The following SUGCT variants were observed in gnomAD, a reference collection of about 807,000 sequenced individuals.
The protein encoded by SUGCT is succinyl-CoA:glutarate-CoA transferase.
In SUGCT, 41 loss-of-function variants were observed where a neutral mutation model predicts 55.0. That is an observed-to-expected ratio of 0.74 (90% CI 0.58 to 0.97). The LOEUF (loss-of-function observed/expected upper bound fraction) is 0.97, where lower values mean the gene tolerates loss of function less well. Among genes scored for constraint, SUGCT ranks in the 50% least tolerant of loss-of-function variants. The probability of loss-of-function intolerance (pLI) is 0.00; values close to 1 mark genes in which losing one functional copy is unlikely to be tolerated. For synonymous variants in SUGCT, 187 were observed against 200.4 expected, an observed-to-expected ratio of 0.93 and a Z score of 0.56; for missense variants, 568 against 547.8, an observed-to-expected ratio of 1.04 and a Z score of -0.37.
At chr7:40,372,220 G>A (rs1160221615) in intron 9 of SUGCT, among the ~76,000 whole-genome samples, 1 of 152,018 alleles carries the variant, frequency 6.6e-6, no homozygotes, top group African/African-American at 2.4e-5. Flanking sequence ...GATGACCTCT[G>A]TGACTTCATC....
intron 12 of SUGCT, among the ~76,000 whole-genome samples, chr7:40,576,727 A>C (rs996012642): frequency 6.6e-6 from 1 of 152,076 alleles, no homozygotes; most frequent in Non-Finnish European, 1.5e-5. Flanking sequence ...TATCATCTGA[A>C]CTCTTTCATC....
intron 1 of SUGCT, among the ~76,000 whole-genome samples, chr7:40,178,940 T>A (rs1282532162): frequency 1.3e-5 from 2 of 152,182 alleles, no homozygotes; most frequent in African/African-American, 4.8e-5. Context: ...TTTATTTTAT[T>A]TTTTTGTTCT....
At chr7:40,544,965 A>G (rs1794912167) in intron 12 of SUGCT, among the ~76,000 whole-genome samples, 1 of 152,212 alleles carries the variant, frequency 6.6e-6, no homozygotes, top group Non-Finnish European at 1.5e-5. Context: ...AGCTCTCCTC[A>G]TGCACTTATA....
At chr7:40,355,531 T>C (rs1797846116) in intron 9 of SUGCT, among the ~76,000 whole-genome samples, 1 of 152,188 alleles carries the variant, frequency 6.6e-6, no homozygotes, top group East Asian at 1.9e-4. Flanking sequence ...AGCCATATAG[T>C]CAAGAATTTA....
the SUGCT span, among the ~76,000 whole-genome samples, chr7:41,003,108 C>T: frequency 3.9e-5 from 6 of 152,136 alleles, no homozygotes; most frequent in Admixed American, 3.9e-4. Context: ...GAGCTTAGCA[C>T]CTGGAACTTA....
intron 12 of SUGCT, among the ~76,000 whole-genome samples, chr7:40,642,676 C>T (rs1800322810): frequency 6.6e-6 from 1 of 152,182 alleles, no homozygotes. Context: ...CAGGTTGAAA[C>T]ATATTAAAGT....
chr7:40,521,857 A>G (rs1413352806), intron 12 of SUGCT, among the ~76,000 whole-genome samples: 3 of 152,106 alleles, frequency 2.0e-5, no homozygotes, highest in South Asian at 2.1e-4. Context: ...AAGTGGAAAC[A>G]TAGATTGGTG....
the SUGCT span, among the ~76,000 whole-genome samples, chr7:40,870,969 T>A: frequency 6.6e-6 from 1 of 152,198 alleles, no homozygotes; most frequent in Non-Finnish European, 1.5e-5. Context: ...ACTTTCTTAC[T>A]TTCTGTCAAT....
the SUGCT span, among the ~76,000 whole-genome samples, chr7:40,992,434 G>A: frequency 6.6e-6 from 1 of 152,032 alleles, no homozygotes; most frequent in East Asian, 1.9e-4. Context: ...TGTATTTTGT[G>A]CTGACTTCTT....
At chr7:40,157,723 G>C (rs1032735428) in intron 1 of SUGCT, among the ~76,000 whole-genome samples, 2 of 152,084 alleles carry the variant, frequency 1.3e-5, no homozygotes, top group Non-Finnish European at 2.9e-5. Flanking sequence ...CATGTTAAAG[G>C]CTACTAATAG....
At chr7:40,244,201 TAA>T (rs1937750401) in intron 7 of SUGCT, among the ~76,000 whole-genome samples, 1 of 151,966 alleles carries the variant, frequency 6.6e-6, no homozygotes, top group African/African-American at 2.4e-5. Flanking sequence ...AAAATATATA[TAA>T]AGTATAAATG....
intron 13 of SUGCT, among the ~76,000 whole-genome samples, chr7:40,849,610 A>C (rs1443915271): frequency 1.3e-5 from 2 of 152,198 alleles, no homozygotes; most frequent in Non-Finnish European, 2.9e-5. Context: ...ATGTAGCTTG[A>C]ACCTGTATAT....
chr7:40,516,704 C>A (rs1008504933), intron 12 of SUGCT, among the ~76,000 whole-genome samples: 31 of 152,054 alleles, frequency 2.0e-4, no homozygotes, highest in Non-Finnish European at 1.2e-4. Flanking sequence ...TCCTTTTGCC[C>A]ATACCACTCT....
At chr7:40,988,247 T>C in the SUGCT span, among the ~76,000 whole-genome samples, 106,011 of 144,498 alleles carry the variant, frequency 0.73, 39,314 homozygotes, top group Middle Eastern at 0.81. Flanking sequence ...TAGATGAAGA[T>C]GTTTAATTTA....
intron 1 of SUGCT, among the ~76,000 whole-genome samples, chr7:40,180,416 C>A (rs947746997): frequency 6.6e-6 from 1 of 151,912 alleles, no homozygotes; most frequent in African/African-American, 2.4e-5. Flanking sequence ...CCATACCTGG[C>A]CTGTGACAGC....
At chr7:40,973,208 C>T in the SUGCT span, among the ~76,000 whole-genome samples, 5 of 152,158 alleles carry the variant, frequency 3.3e-5, no homozygotes, top group African/African-American at 1.2e-4. Flanking sequence ...CCCCTGTTTT[C>T]TCATTTGATC....
At chr7:40,221,492 G>C (rs66481381) in intron 6 of SUGCT, among the ~76,000 whole-genome samples, 79,565 of 140,164 alleles carry the variant, frequency 0.57, 24,627 homozygotes, top group African/African-American at 0.82. Context: ...GCTGTTATTG[G>C]TCTTTTTTTT....
chr7:40,662,423 C>G (rs1801376203), intron 12 of SUGCT, among the ~76,000 whole-genome samples: 1 of 152,204 alleles, frequency 6.6e-6, no homozygotes, highest in Non-Finnish European at 1.5e-5. Context: ...ATCATCCAAT[C>G]GCTTTTATTA....
the SUGCT span, among the ~76,000 whole-genome samples, chr7:41,024,597 A>G: frequency 6.6e-6 from 1 of 151,068 alleles, no homozygotes; most frequent in Non-Finnish European, 1.5e-5. Context: ...ACGTAATCTC[A>G]TTAGTGACAG....
Sources: allele counts gnomAD v4.1 joint callset (sites outside exome capture counted in the v4.1 genomes callset), GRCh38; gene constraint gnomAD v4.1.1; transcripts MANE v1.5; gene names NCBI Gene and HGNC (gene_info 2026-07-23, HGNC 2026-07-21).